Variants in AKT1 observed in about 807,000 individuals in gnomAD.
The protein encoded by AKT1 is AKT serine/threonine kinase 1.
Under a neutral mutation model 63.1 loss-of-function variants are expected in AKT1, and 21 were observed. That is an observed-to-expected ratio of 0.33 (90% CI 0.24 to 0.48). The LOEUF is 0.48. Among genes scored for constraint, AKT1 ranks in the 20% least tolerant of loss-of-function variants. The probability of loss-of-function intolerance (pLI) is 0.99; values close to 1 mark genes in which losing one functional copy is unlikely to be tolerated. For synonymous variants in AKT1, 257 were observed against 253.1 expected (o/e 1.02, Z -0.15); for missense variants, 382 against 666.0 (o/e 0.57, Z 4.69).
rs543041673 is a variant in AKT1 at position 104,787,163 on chromosome 14, G to A, written c.46+5435C>T. 1.1e-4 allele frequency among the ~76,000 whole-genome samples: 16 copies of A among 152,246 alleles called. 1 individual carries two copies. Among genetic ancestry groups the A allele is most frequent in the African/African-American group, 1.7e-4 (7 of 41,562 alleles). On this transcript the variant is annotated intron_variant, in intron 3 of 14. Coordinates refer to ENST00000649815, the MANE Select transcript of AKT1 (RefSeq NM_001382430.1). ...AACTCCCAACCCCCTCAATTCCAAC[G>A]TTTCTGAAATCCAAACCTATCATTC...
chr14:104,773,668 G>C (rs764594578), intron 9 of AKT1, 88 bp from the exon 10 acceptor site: 3 of 1,516,794 alleles, frequency 2.0e-6, no homozygotes, highest in African/African-American at 2.7e-5. Flanking sequence ...ACCGGGTCTC[G>C]GCATTGCACA....
chr14:104,783,361 C>A (rs1893166221), intron 3 of AKT1, among the ~76,000 whole-genome samples: 1 of 152,114 alleles, frequency 6.6e-6, no homozygotes, highest in African/African-American at 2.4e-5. Flanking sequence ...ATCCCTGACA[C>A]CCCAGGAAAA....
intron 8 of AKT1, chr14:104,774,730 G>A (rs1039578668): frequency 2.3e-5 from 14 of 600,724 alleles, no homozygotes; most frequent in Admixed American, 9.5e-5. Context: ...CCACCTGCCC[G>A]CACACGGGAG....
At position 104,775,811 on chromosome 14, in the gene AKT1, C is replaced by G; in HGVS notation, c.288-12G>C. 1 of 1,613,092 alleles carries G rather than the reference C, an allele frequency of 6.2e-7. No individual in the cohort carries two copies. The highest frequency in any genetic ancestry group is 8.5e-7 in the Non-Finnish European group (1 of 1,179,596). ...TTGTCCACTCCTCCCTGCAGGAGGT[C>G]AGGTGAGGCTGCAGGCCTGTACCAG... On this transcript the variant is annotated splice_polypyrimidine_tract_variant and intron_variant, in intron 5 of 14. Transcript: ENST00000649815.
intron 3 of AKT1, among the ~76,000 whole-genome samples, chr14:104,787,501 G>T (rs1230891395): frequency 1.3e-5 from 2 of 152,248 alleles, no homozygotes; most frequent in East Asian, 1.9e-4. Flanking sequence ...CGAGGGCAGG[G>T]TGCTGGCCCC....
At position 104,770,405 on chromosome 14, in the gene AKT1, C is replaced by A; in HGVS notation, c.1379G>T (p.Cys460Phe). ...TPPDQDDSME[C>F]VDSERRPHFP... ...GTGGGGCCTGCGCTCGCTGTCCACA[C>A]ACTCCATGCTGTCATCTGTGGGTGT... The change falls in exon 15 of 15, where the codon TGT (cysteine) becomes TTT (phenylalanine). Residue 460 changes from cysteine to phenylalanine, a missense_variant. Physicochemically the swap from Cys to Phe is radical, Grantham distance 205. This residue lies in a region of AKT1 where 90 missense variants were observed against 120.5 expected (regional missense o/e 0.75). Transcript: ENST00000649815. The A allele has an allele frequency of 1.2e-6, 2 of 1,612,086 alleles. No homozygotes were observed. The highest frequency in any genetic ancestry group is 1.7e-6 in the Non-Finnish European group (2 of 1,179,782).
chr14:104,776,280 G>A lies in AKT1; in HGVS notation c.287+379C>T, dbSNP rs61761187. The A allele has an allele frequency of 1.7e-3, 355 of 204,090 alleles. 3 individuals are homozygous for A. Among genetic ancestry groups the A allele is most frequent in the Admixed American group, 3.5e-3 (62 of 17,970 alleles). The allele number at this position is 204,090 out of a possible 1,614,324, so 12.6% of individuals were successfully genotyped here. Reference sequence around the variant, plus strand: ...TTGTGCCTCAGCCTCCCAAGTAGCCGGGATTACAGGTGTGCACCACCACAC... The same window carrying A: ...TTGTGCCTCAGCCTCCCAAGTAGCCAGGATTACAGGTGTGCACCACCACAC... On this transcript the variant is annotated intron_variant, in intron 5 of 14. Coordinates refer to ENST00000649815, the MANE Select transcript of AKT1 (RefSeq NM_001382430.1).
Position 104,770,210 on chromosome 14 carries a change from A to G in AKT1, c.*131T>C. 3 of 1,021,036 alleles carry G rather than the reference A, an allele frequency of 2.9e-6. No individual in the cohort carries two copies. Among genetic ancestry groups the G allele is most frequent in the Non-Finnish European group, 4.4e-6 (3 of 680,320 alleles). 63.2% of individuals were successfully genotyped at this position (1,021,036 alleles called of 1,614,324 possible). ...GCCCACAGCACAAAAACGTCTTTCC[A>G]TCTGGGCTCGAGAGGACAGCGTGGC... On this transcript the variant is annotated 3_prime_UTR_variant, in exon 15 of 15. Transcript: ENST00000649815.
intron 3 of AKT1, 128 bp from the exon 4 acceptor site, chr14:104,780,344 G>C: frequency 7.6e-7 from 1 of 1,316,790 alleles, no homozygotes; most frequent in Non-Finnish European, 1.0e-6. Context: ...GGGCAGGCGC[G>C]GTACGGGAGC....
chr14:104,781,269 G>A (rs1052149879), intron 3 of AKT1, among the ~76,000 whole-genome samples: 1 of 152,138 alleles, frequency 6.6e-6, no homozygotes, highest in Admixed American at 6.5e-5. Flanking sequence ...GTAAGGGGTT[G>A]GGGTCCCTGA....
rs2140950328 is a variant in AKT1 at position 104,780,236 on chromosome 14, G to A, written c.47-20C>T. The A allele has an allele frequency of 2.5e-6, 4 of 1,612,018 alleles. No homozygotes were observed. The highest frequency in any genetic ancestry group is 3.4e-6 in the Non-Finnish European group (4 of 1,179,268). On this transcript the variant is annotated intron_variant, in intron 3 of 14. Transcript: ENST00000649815. ...ACTCCCCTACAGACGTGCGGGTGGT[G>A]AGAGCCACGCACACTCTACCCGTCA...
chr14:104,788,542 C>T (rs1329809325), intron 3 of AKT1, among the ~76,000 whole-genome samples: 1 of 152,220 alleles, frequency 6.6e-6, no homozygotes, highest in African/African-American at 2.4e-5. Context: ...TGAGGTCCCC[C>T]ACCTCACGCA....
At chr14:104,783,372 G>A (rs895665320) in intron 3 of AKT1, among the ~76,000 whole-genome samples, 4 of 152,058 alleles carry the variant, frequency 2.6e-5, no homozygotes, top group African/African-American at 9.7e-5. Context: ...CCCAGGAAAA[G>A]TGCCCTGCAT....
intron 14 of AKT1, 23 bp downstream of exon 14, chr14:104,770,722 G>T: frequency 6.3e-7 from 1 of 1,596,662 alleles, no homozygotes; most frequent in Non-Finnish European, 8.6e-7. Context: ...GGGAGTGGGC[G>T]GGGGCAGGCA....
chr14:104,773,630 C>G, intron 9 of AKT1, 50 bp from the exon 10 acceptor site: 1 of 1,566,364 alleles, frequency 6.4e-7, no homozygotes, highest in African/African-American at 1.3e-5. Context: ...CCTCTGCCCC[C>G]ATGGCCTGCA....
At position 104,782,407 on chromosome 14, in the gene AKT1, C is replaced by T. The variant is rs61761172; in HGVS notation, c.47-2191G>A. Among the ~76,000 whole-genome samples the T allele has an allele frequency of 4.3e-3, 648 of 152,160 alleles. 5 individuals carry two copies. Among genetic ancestry groups the T allele is most frequent in the African/African-American group, 0.015 (615 of 41,518 alleles). On this transcript the variant is annotated intron_variant, in intron 3 of 14. Transcript: ENST00000649815. ...CGTGCCCAGCATGGCCCCGTGCTGC[C>T]CCCGAGCACGCAGCTCCCGTGCCCA...
chr14:104,772,699 C>T (rs893897636), intron 12 of AKT1, among the ~76,000 whole-genome samples, 179 bp downstream of exon 12: 1 of 152,150 alleles, frequency 6.6e-6, no homozygotes, highest in Admixed American at 6.5e-5. Flanking sequence ...CAACTGACCC[C>T]GGCCTGCCCG....
At chr14:104,774,731 C>T (rs1237589485) in intron 8 of AKT1, 2 of 614,560 alleles carry the variant, frequency 3.3e-6, no homozygotes, top group African/African-American at 3.7e-5. Flanking sequence ...CACCTGCCCG[C>T]ACACGGGAGC....
intron 3 of AKT1, among the ~76,000 whole-genome samples, chr14:104,780,770 A>G (rs1188554610): frequency 6.7e-6 from 1 of 148,674 alleles, no homozygotes; most frequent in Non-Finnish European, 1.5e-5. Flanking sequence ...CCACAGTTAG[A>G]GGTCAGCACC....
Sources: gnomAD v4.1 joint callset for allele counts (sites outside exome capture counted in the v4.1 genomes callset) on GRCh38, gnomAD v4.1.1 for gene constraint, gnomAD v4.1.1 regional missense constraint, MANE v1.5 for transcripts, NCBI Gene and HGNC (gene_info 2026-07-23, HGNC 2026-07-21) for gene names.